Variants in CAV2 observed in about 807,000 individuals in gnomAD.
CAV2 encodes the protein caveolin 2.
CAV2 carries 7 observed loss-of-function variants against 15.5 expected under a neutral mutation model. That is an observed-to-expected ratio of 0.45 (90% CI 0.26 to 0.85). CAV2 has a LOEUF of 0.85. CAV2 is among the 40% of genes least tolerant of loss of function. CAV2 has a pLI of 0.18. For missense variants in CAV2, 229 were observed against 208.8 expected (o/e 1.10, Z -0.60); for synonymous variants, 76 against 83.1 (o/e 0.91, Z 0.46).
In CAV2 at chr7:116,508,169, AT is replaced by A. The variant is rs1290338527; in HGVS notation, c.*2054del. The A allele has an allele frequency of 6.6e-6, 1 of 152,202 alleles. No individual in the cohort carries two copies. Among genetic ancestry groups the A allele is most frequent in the East Asian group, 1.9e-4 (1 of 5,200 alleles). 9.4% of individuals were successfully genotyped at this position (152,202 alleles called of 1,614,324 possible). A position where few individuals can be genotyped will look rare whatever the true frequency, so the allele number is the denominator to read the frequency against. ...ATAGTTATGTCTTGTATTTAAAAACATTTTTTATACATTTGGTTATGTTGAT... is the reference window on the plus strand; with the variant it reads ...ATAGTTATGTCTTGTATTTAAAAACATTTTTATACATTTGGTTATGTTGAT... On this transcript the variant is annotated 3_prime_UTR_variant, in exon 3 of 3. Transcript: ENST00000222693.
rs749854905 is a variant in CAV2 at position 116,499,751 on chromosome 7, C to T, written c.-31C>T. On this transcript the variant is annotated 5_prime_UTR_variant, in exon 1 of 3. Transcript: ENST00000222693. ...GGACCGGGAGCCGCACCGCGCCAGC[C>T]GGGCTGCAGCGGCCGCGCACCAAGG... 1.1e-5 allele frequency: 17 copies of T among 1,485,106 alleles called. No homozygotes were observed. Among genetic ancestry groups the T allele is most frequent in the Non-Finnish European group, 1.5e-5 (17 of 1,117,332 alleles). 92.0% of individuals were successfully genotyped at this position (1,485,106 alleles called of 1,614,324 possible).
Position 116,500,186 on chromosome 7 carries a change from C to G in CAV2, c.151-74C>G, listed in dbSNP as rs904886075. ...GCACGTCCTTCCCTCCTGCTTCCCC[C>G]GCCCAAAGCGCTCCCGGTTCCCGGG... On this transcript the variant is annotated intron_variant, in intron 1 of 2. Coordinates refer to ENST00000222693, the MANE Select transcript of CAV2 (RefSeq NM_001233.5). 7 of 1,558,646 alleles carry G rather than the reference C, an allele frequency of 4.5e-6. No homozygotes were observed. The African/African-American group carries it at 8.2e-5, about 18-fold the overall frequency.
At chr7:116,500,154 C>A in intron 1 of CAV2, 106 bp from the exon 2 acceptor site, 1 of 1,510,408 alleles carries the variant, frequency 6.6e-7, no homozygotes, top group Non-Finnish European at 8.8e-7. Context: ...AAGAGGCGGA[C>A]GCCCTGGCAC....
At chr7:116,500,136 C>A in intron 1 of CAV2, 124 bp from the exon 2 acceptor site, 1 of 1,497,306 alleles carries the variant, frequency 6.7e-7, no homozygotes, top group Middle Eastern at 2.4e-4. Context: ...CCACCGTGAC[C>A]CTAAGAGAAG....
At chr7:116,501,864 G>A (rs1370466636) in intron 2 of CAV2, among the ~76,000 whole-genome samples, 1 of 152,200 alleles carries the variant, frequency 6.6e-6, no homozygotes, top group Non-Finnish European at 1.5e-5. Flanking sequence ...GATTGCCAGG[G>A]AAATGAAAAT....
intron 2 of CAV2, among the ~76,000 whole-genome samples, 171 bp from the exon 3 acceptor site, chr7:116,505,798 CAG>C (rs567895114): frequency 2.6e-5 from 4 of 152,126 alleles, no homozygotes; most frequent in Admixed American, 6.6e-5. Context: ...AAATGAGAGT[CAG>C]GGGGACAAAA....
rs1793051073 is a variant in CAV2 at position 116,499,927 on chromosome 7, T to C, written c.146T>C (p.Leu49Pro). 3 of 1,609,948 alleles carry C rather than the reference T, an allele frequency of 1.9e-6. No homozygotes were observed. The South Asian group carries it at 3.3e-5, about 18-fold the overall frequency. ...DRDPHRLNSH[L>P]KLGFEDVIAE... ...GATCCCCACCGGCTCAACTCGCATC[T>C]CAAGGTGAAGCCCGGGGCGGGCGGG... is the stretch of plus-strand genomic sequence containing the variant. The change falls in exon 1 of 3, where the codon CTC becomes CCC. Residue 49 changes from leucine to proline, a missense_variant. Leu to Pro is a moderately conservative substitution (Grantham distance 98). Coordinates refer to ENST00000222693, the MANE Select transcript of CAV2 (RefSeq NM_001233.5).
chr7:116,500,414 T>C lies in CAV2; in HGVS notation c.305T>C (p.Ile102Thr). The change falls in exon 2 of 3, where the codon ATT becomes ACT. Residue 102 changes from isoleucine to threonine, a missense_variant. Ile to Thr is a moderately conservative substitution (Grantham distance 89, BLOSUM62 -1). Coordinates refer to ENST00000222693, the MANE Select transcript of CAV2 (RefSeq NM_001233.5). ...ATTCCCCTGGCCTTCATTGCGGGAA[T>C]TCTCTTTGCCACCCTCAGCTGTCTG... Reference protein sequence around the residue: ...LAIPLAFIAGILFATLSCLHI... With the variant: ...LAIPLAFIAGTLFATLSCLHI... The C allele has an allele frequency of 6.2e-7, 1 of 1,614,040 alleles. No individual in the cohort carries two copies. The highest frequency in any genetic ancestry group is 8.5e-7 in the Non-Finnish European group (1 of 1,179,954).
Position 116,500,300 on chromosome 7 carries a change from A to T in CAV2, c.191A>T (p.His64Leu). 6.2e-7 allele frequency: 1 copy of T among 1,614,082 alleles called. No individual in the cohort carries two copies. The highest frequency in any genetic ancestry group is 8.5e-7 in the Non-Finnish European group (1 of 1,180,002). Residue 64 changes from histidine to leucine, a missense_variant, in exon 2 of 3, where the codon CAC (histidine) becomes CTC (leucine). Transcript: ENST00000222693. ...GTGATCGCAGAGCCGGTGACTACGC[A>T]CTCCTTTGACAAAGTGTGGATCTGC... ...EDVIAEPVTT[H>L]SFDKVWICSH...
intron 2 of CAV2, among the ~76,000 whole-genome samples, chr7:116,505,642 G>A (rs28587043): frequency 0.35 from 52,476 of 151,816 alleles, 9,333 homozygotes; most frequent in African/African-American, 0.4. Flanking sequence ...GACTCTTTTA[G>A]TTAATCAGAT....
chr7:116,504,046 GAA>G (rs1491279979), intron 2 of CAV2, among the ~76,000 whole-genome samples: 2 of 113,674 alleles, frequency 1.8e-5, no homozygotes, highest in African/African-American at 5.8e-5. Flanking sequence ...GAAAAAGAAA[GAA>G]AGAGAAAGAA....
chr7:116,506,232 A>G lies in CAV2; in HGVS notation c.*111A>G. ...CCTAGCTGTTCTAATTAAGAAAACT[A>G]TTAAGATGAGCAACCACATTTAGAA... On this transcript the variant is annotated 3_prime_UTR_variant, in exon 3 of 3. Coordinates refer to ENST00000222693, the MANE Select transcript of CAV2 (RefSeq NM_001233.5). The G allele has an allele frequency of 7.7e-6, 8 of 1,032,882 alleles. No individual in the cohort carries two copies. Among genetic ancestry groups the G allele is most frequent in the Non-Finnish European group, 9.8e-6 (7 of 715,520 alleles). The allele number at this position is 1,032,882 out of a possible 1,614,324, so 64.0% of individuals were successfully genotyped here. A position where few individuals can be genotyped will look rare whatever the true frequency, so the allele number is the denominator to read the frequency against.
Position 116,500,455 on chromosome 7 carries a change from G to A in CAV2, c.338+8G>A, listed in dbSNP as rs199812446. 3.0e-5 allele frequency: 40 copies of A among 1,352,644 alleles called. No homozygotes were observed. Among genetic ancestry groups the A allele is most frequent in the Non-Finnish European group, 3.9e-5 (39 of 1,004,316 alleles). 83.8% of individuals were successfully genotyped at this position (1,352,644 alleles called of 1,614,324 possible). A position where few individuals can be genotyped will look rare whatever the true frequency, so the allele number is the denominator to read the frequency against. On this transcript the variant is annotated splice_region_variant and intron_variant, in intron 2 of 2. Coordinates refer to ENST00000222693, the MANE Select transcript of CAV2 (RefSeq NM_001233.5). Reference sequence around the variant, plus strand: ...CAGCTGTCTGCACATCTGGTGAGACGGGGCACACCGGGTGGACCGGCTTTC... The same window carrying A: ...CAGCTGTCTGCACATCTGGTGAGACAGGGCACACCGGGTGGACCGGCTTTC...
At chr7:116,502,930 G>A (rs1193314666) in intron 2 of CAV2, among the ~76,000 whole-genome samples, 19 of 152,112 alleles carry the variant, frequency 1.2e-4, no homozygotes, top group Non-Finnish European at 1.5e-5. Flanking sequence ...TGTGGCTGGA[G>A]CACCCATATC....
intron 1 of CAV2, 155 bp from the exon 2 acceptor site, chr7:116,500,105 C>A: frequency 6.8e-7 from 1 of 1,469,786 alleles, no homozygotes; most frequent in African/African-American, 1.4e-5. Context: ...GCCAGGAATT[C>A]TTAGCCAGGT....
In CAV2 at chr7:116,500,613, C is replaced by T. The variant is rs747462557; in HGVS notation, c.338+166C>T. The T allele has an allele frequency of 1.8e-4, 109 of 621,502 alleles. 1 individual carries two copies. The highest frequency in any genetic ancestry group is 9.4e-4 in the Admixed American group (31 of 32,822). The allele number at this position is 621,502 out of a possible 1,614,324, so 38.5% of individuals were successfully genotyped here. On this transcript the variant is annotated intron_variant, in intron 2 of 2. Coordinates refer to ENST00000222693, the MANE Select transcript of CAV2 (RefSeq NM_001233.5). ...AAGGCCTTGAAAGGCAATGCGCTTC[C>T]TTTAGAATAACAGTTTGGGCTTGGA...
chr7:116,501,605 T>C (rs1346847799), intron 2 of CAV2, among the ~76,000 whole-genome samples: 1 of 152,196 alleles, frequency 6.6e-6, no homozygotes, highest in African/African-American at 2.4e-5. Context: ...GAATGAGAGA[T>C]AGGGTCTGCC....
chr7:116,505,312 G>C (rs1276915906), intron 2 of CAV2, among the ~76,000 whole-genome samples: 5 of 152,114 alleles, frequency 3.3e-5, no homozygotes, highest in Non-Finnish European at 2.9e-5. Flanking sequence ...TTGTTTTACT[G>C]TTTCAGATAG....
Position 116,507,583 on chromosome 7 carries a change from G to A in CAV2, c.*1462G>A, listed in dbSNP as rs780641498. The A allele has an allele frequency of 1.3e-5, 2 of 151,400 alleles. No homozygotes were observed. Among genetic ancestry groups the A allele is most frequent in the Non-Finnish European group, 2.9e-5 (2 of 68,018 alleles). The allele number at this position is 151,400 out of a possible 1,614,324, so 9.4% of individuals were successfully genotyped here. A position where few individuals can be genotyped will look rare whatever the true frequency, so the allele number is the denominator to read the frequency against. ...AGCTACCTGGGAGGCTGAGGCAGGAGAATTGCTTGAACCTGGGAGGCAGAG... is the reference window on the plus strand; with the variant it reads ...AGCTACCTGGGAGGCTGAGGCAGGAAAATTGCTTGAACCTGGGAGGCAGAG... On this transcript the variant is annotated 3_prime_UTR_variant, in exon 3 of 3. Coordinates refer to ENST00000222693, the MANE Select transcript of CAV2 (RefSeq NM_001233.5).
Sources: allele counts gnomAD v4.1 joint callset (sites outside exome capture counted in the v4.1 genomes callset), GRCh38; gene constraint gnomAD v4.1.1; transcripts MANE v1.5; gene names NCBI Gene and HGNC (gene_info 2026-07-23, HGNC 2026-07-21).